MCM9: variants seen among roughly 807,000 people sequenced by gnomAD.
MCM9 encodes DNA helicase MCM9.
MCM9 carries 55 observed loss-of-function variants against 72.8 expected under a neutral mutation model. That is an observed-to-expected ratio of 0.76 (90% confidence interval 0.61 to 0.95). The LOEUF (loss-of-function observed/expected upper bound fraction) is 0.95, where lower values mean the gene tolerates loss of function less well. MCM9 is among the 40% of genes least tolerant of loss of function. The pLI is 0.00. For synonymous variants in MCM9, 480 were observed against 503.4 expected, an observed-to-expected ratio of 0.95 and a Z score of 0.62; for missense variants, 1,279 against 1,377.0, an observed-to-expected ratio of 0.93 and a Z score of 1.13.
At chr6:118,921,406 C>T (rs1781414209) in intron 5 of MCM9, 1 of 152,182 alleles carries the variant, frequency 6.6e-6, no homozygotes, top group Non-Finnish European at 1.5e-5. Flanking sequence ...GTTCTCCATG[C>T]TAACCATGTA....
chr6:118,816,281 T>A lies in MCM9; in HGVS notation c.1975A>T (p.Ser659Cys). ...ACCCGTGGTTGGGATTGGTGCACAC[T>A]CTGATTCTGTAACCTGTAGCAAAGA... is the stretch of plus-strand genomic sequence containing the variant. ...LRRLERLQNQSVHQSQPRVLE... is the reference protein window; with the variant it reads ...LRRLERLQNQCVHQSQPRVLE... Residue 659 changes from serine (S) to cysteine (C), a missense_variant, in exon 14 of 14, where the codon AGT becomes TGT. Ser to Cys is a moderately radical substitution (Grantham distance 112). Transcript: ENST00000619706. 1 of 1,535,208 alleles carries A rather than the reference T, an allele frequency of 6.5e-7. No homozygotes were observed. Among genetic ancestry groups the A allele is most frequent in the Non-Finnish European group, 8.8e-7 (1 of 1,138,998 alleles).
intron 8 of MCM9, chr6:118,894,612 G>C: frequency 1.7e-6 from 2 of 1,169,244 alleles, no homozygotes; most frequent in Non-Finnish European, 1.2e-6. Flanking sequence ...GGGCGGCTGT[G>C]TTCGGCGCCT....
intron 9 of MCM9, among the ~76,000 whole-genome samples, chr6:118,839,120 T>A (rs1775176431): frequency 6.6e-6 from 1 of 152,036 alleles, no homozygotes. Context: ...CTTTGTTCGT[T>A]CCTTTTCATT....
intron 13 of MCM9, among the ~76,000 whole-genome samples, chr6:118,825,647 A>G (rs1774118260): frequency 6.6e-6 from 1 of 152,240 alleles, no homozygotes; most frequent in South Asian, 2.1e-4. Context: ...AGGTTTTTAG[A>G]AGTCCACATA....
intron 9 of MCM9, among the ~76,000 whole-genome samples, chr6:118,848,551 T>C (rs1776025307): frequency 6.6e-6 from 1 of 151,798 alleles, no homozygotes; most frequent in Admixed American, 6.5e-5. Flanking sequence ...AGATGAGTAG[T>C]TCCAACAGTT....
rs147289939 is a variant in MCM9, at chr6:118,928,202, A to G, written c.304+3218T>C. ...GAGGTGGGCGGATCACCTGAGGTCA[A>G]GAGTTCGAAACCAGGCTGGCCAACA... On this transcript the variant is annotated intron_variant, in intron 3 of 13. Transcript: ENST00000619706. Among the ~76,000 whole-genome samples, 553 of 152,090 alleles carry G rather than the reference A, an allele frequency of 3.6e-3. 3 individuals carry two copies. The highest frequency in any genetic ancestry group is 6.7e-3 in the Non-Finnish European group (458 of 67,960).
intron 8 of MCM9, among the ~76,000 whole-genome samples, chr6:118,898,690 T>G (rs1436398102): frequency 6.6e-6 from 1 of 152,224 alleles, no homozygotes; most frequent in Non-Finnish European, 1.5e-5. Flanking sequence ...AATGCTGGGA[T>G]TACAGGCGTG....
At chr6:118,881,149 C>T (rs1425966117) in intron 8 of MCM9, among the ~76,000 whole-genome samples, 1 of 152,164 alleles carries the variant, frequency 6.6e-6, no homozygotes, top group African/African-American at 2.4e-5. Context: ...TCATGCAAAG[C>T]AAAACCCCGG....
intron 9 of MCM9, among the ~76,000 whole-genome samples, chr6:118,843,984 C>T (rs1031736963): frequency 6.7e-5 from 10 of 149,090 alleles, no homozygotes; most frequent in African/African-American, 1.0e-4. Flanking sequence ...AAGGCAGGGC[C>T]CCAGAATATC....
intron 8 of MCM9, among the ~76,000 whole-genome samples, chr6:118,872,250 C>T (rs1017243591): frequency 8.0e-5 from 12 of 150,608 alleles, no homozygotes; most frequent in African/African-American, 2.7e-4. Flanking sequence ...GCCCGGGAGG[C>T]GGAGCTTGCA....
At chr6:118,909,879 G>C (rs1240882890) in intron 8 of MCM9, among the ~76,000 whole-genome samples, 1 of 152,210 alleles carries the variant, frequency 6.6e-6, no homozygotes, top group African/African-American at 2.4e-5. Context: ...CACTTGGGGA[G>C]GCTGAGGCGG....
intron 8 of MCM9, among the ~76,000 whole-genome samples, chr6:118,888,224 T>C (rs541845004): frequency 7.8e-4 from 119 of 152,250 alleles, no homozygotes; most frequent in Admixed American, 9.8e-4. Context: ...TGGTGGCTCA[T>C]GCCTGTAATC....
At chr6:118,855,198 C>G (rs1263094085) in intron 9 of MCM9, among the ~76,000 whole-genome samples, 3 of 152,162 alleles carry the variant, frequency 2.0e-5, no homozygotes, top group African/African-American at 7.2e-5. Context: ...AGAAAAGAAA[C>G]CAGCCTCTGA....
At chr6:118,837,412 C>T (rs937614638) in intron 9 of MCM9, among the ~76,000 whole-genome samples, 32 of 152,118 alleles carry the variant, frequency 2.1e-4, no homozygotes, top group African/African-American at 6.8e-4. Flanking sequence ...AGTTCAAGTC[C>T]TGAATATCCT....
rs564802065 is a variant in MCM9, at chr6:118,815,337, C to G, written c.2919G>C (p.Lys973Asn). 1 of 1,550,268 alleles carries G rather than the reference C, an allele frequency of 6.5e-7. No homozygotes were observed. Among genetic ancestry groups the G allele is most frequent in the South Asian group, 1.2e-5 (1 of 84,006 alleles). Reference sequence around the variant, plus strand: ...TCTGGTTTCCTGGGGTAGATGTTAACTTTCCTGGACGCTTCACCGGCAAGG... The same window carrying G: ...TCTGGTTTCCTGGGGTAGATGTTAAGTTTCCTGGACGCTTCACCGGCAAGG... Reference protein sequence around the residue: ...DAALPVKRPGKLTSTPGNQIS... With the variant: ...DAALPVKRPGNLTSTPGNQIS... Residue 973 changes from lysine (K) to asparagine (N), a missense_variant, in exon 14 of 14, where the codon AAG becomes AAC. Lys to Asn is a moderately conservative substitution (Grantham distance 94, BLOSUM62 0). Transcript: ENST00000619706.
At chr6:118,860,352 A>G (rs926829611) in intron 8 of MCM9, among the ~76,000 whole-genome samples, 14 of 152,340 alleles carry the variant, frequency 9.2e-5, no homozygotes, top group African/African-American at 3.4e-4. Context: ...AATGCCTTTA[A>G]TGGGTTTATT....
intron 8 of MCM9, among the ~76,000 whole-genome samples, chr6:118,892,780 C>T (rs1256041186): frequency 6.6e-6 from 1 of 152,196 alleles, no homozygotes; most frequent in East Asian, 1.9e-4. Flanking sequence ...ACTGTTCAAT[C>T]CACTGACAAA....
At chr6:118,855,727 A>G (rs923771526) in intron 9 of MCM9, among the ~76,000 whole-genome samples, 4 of 152,170 alleles carry the variant, frequency 2.6e-5, no homozygotes, top group Admixed American at 2.6e-4. Flanking sequence ...TTACTGCTTG[A>G]ATGACCTGGC....
chr6:118,884,306 G>A (rs1778466571), intron 8 of MCM9, among the ~76,000 whole-genome samples: 1 of 152,142 alleles, frequency 6.6e-6, no homozygotes, highest in African/African-American at 2.4e-5. Flanking sequence ...ATAAAAAGGG[G>A]AAAATGGTAT....
Sources: allele counts gnomAD v4.1 joint callset (sites outside exome capture counted in the v4.1 genomes callset), GRCh38; gene constraint gnomAD v4.1.1; transcripts MANE v1.5; gene names NCBI Gene and HGNC (gene_info 2026-07-23, HGNC 2026-07-21).